Variants in C5 observed in about 807,000 individuals in gnomAD.
C5 encodes C3 and PZP-like alpha-2-macroglobulin domain-containing protein 4.
In C5, 140 loss-of-function variants were observed where a neutral mutation model predicts 218.8. The ratio of observed to expected loss-of-function variants is 0.64; its 90% CI spans 0.56 to 0.74. The LOEUF (loss-of-function observed/expected upper bound fraction) is 0.74. Ranked by LOEUF, C5 falls within the 30% of genes least tolerant of loss-of-function variation. C5 has a pLI of 0.00. For synonymous variants in C5, 614 were observed against 682.3 expected (o/e 0.90, Z 1.56); for missense variants, 1,700 against 1,969.6 (o/e 0.86, Z 2.59).
At chr9:121,016,849 C>T (rs570658902) in intron 14 of C5, among the ~76,000 whole-genome samples, 61 of 152,194 alleles carry the variant, frequency 4.0e-4, no homozygotes, top group Non-Finnish European at 5.4e-4. Flanking sequence ...ATTCGTTCTC[C>T]GAGTATTTTT....
the C5 span, among the ~76,000 whole-genome samples, chr9:121,055,307 G>T: frequency 6.6e-6 from 1 of 152,012 alleles, no homozygotes; most frequent in African/African-American, 2.4e-5. Context: ...ATATTTCACA[G>T]ATTTTTTTTC....
intron 22 of C5, 135 bp from the exon 23 acceptor site, chr9:120,991,415 A>C: frequency 9.4e-6 from 6 of 640,048 alleles, no homozygotes; most frequent in Non-Finnish European, 1.4e-5. Flanking sequence ...TTTTAAAAGA[A>C]AGTTAAAAAT....
intron 5 of C5, among the ~76,000 whole-genome samples, chr9:121,034,106 G>A (rs2047502120): frequency 6.6e-6 from 1 of 152,094 alleles, no homozygotes; most frequent in South Asian, 2.1e-4. Flanking sequence ...TTTTGATAGA[G>A]ACGGGGTTTC....
rs1160318487 is a variant in C5 at position 121,016,256 on chromosome 9, T to A, written c.1994A>T (p.Asn665Ile). The change falls in exon 15 of 41, where the codon AAT becomes ATT. Residue 665 changes from asparagine (N) to isoleucine (I), a missense_variant and splice_region_variant. Physicochemically the swap from Asn to Ile is moderately radical, Grantham distance 149. Transcript: ENST00000223642. ...TNANADDSQE[N>I]DEPCKEILRP... ...AATAAACATGCTGAGCATTTTACCATTTTCTTGGGAGTCATCTGCATTTGC... is the reference window on the plus strand; with the variant it reads ...AATAAACATGCTGAGCATTTTACCAATTTCTTGGGAGTCATCTGCATTTGC... 6.2e-7 allele frequency: 1 copy of A among 1,613,944 alleles called. No individual in the cohort carries two copies. Among genetic ancestry groups the A allele is most frequent in the Admixed American group, 1.7e-5 (1 of 60,022 alleles).
intron 20 of C5, among the ~76,000 whole-genome samples, chr9:121,002,254 G>T (rs28704149): frequency 3.0e-5 from 2 of 65,976 alleles, no homozygotes; most frequent in Non-Finnish European, 8.2e-5. Flanking sequence ...GTATATATAT[G>T]TATATATGTA....
At chr9:121,035,354 A>T (rs1439800328) in intron 4 of C5, among the ~76,000 whole-genome samples, 1 of 152,242 alleles carries the variant, frequency 6.6e-6, no homozygotes, top group African/African-American at 2.4e-5. Context: ...TGTTTTATAA[A>T]TGTATAGTAT....
chr9:121,016,139 T>C (rs1203232573), intron 15 of C5, 115 bp downstream of exon 15: 5 of 1,313,366 alleles, frequency 3.8e-6, no homozygotes, highest in Non-Finnish European at 5.5e-6. Flanking sequence ...GTGAGTTATG[T>C]AGTCTTGGCA....
intron 7 of C5, among the ~76,000 whole-genome samples, chr9:121,027,798 A>G (rs1327889617): frequency 2.0e-5 from 3 of 152,180 alleles, no homozygotes; most frequent in African/African-American, 7.2e-5. Context: ...GGATTTCATG[A>G]CTAAAACACC....
intron 31 of C5, 31 bp from the exon 32 acceptor site, chr9:120,970,282 C>G: frequency 6.8e-7 from 1 of 1,462,056 alleles, no homozygotes; most frequent in Non-Finnish European, 9.6e-7. Context: ...CAAGAAGATT[C>G]TATTTAAAGT....
chr9:121,034,489 C>T (rs1223698901), intron 5 of C5, among the ~76,000 whole-genome samples: 2 of 152,154 alleles, frequency 1.3e-5, no homozygotes, highest in Non-Finnish European at 2.9e-5. Context: ...GGAACAAGAC[C>T]ACACCAGCCT....
At chr9:121,036,401 AG>A (rs1224494734) in intron 4 of C5, among the ~76,000 whole-genome samples, 1 of 152,116 alleles carries the variant, frequency 6.6e-6, no homozygotes, top group Non-Finnish European at 1.5e-5. Flanking sequence ...ATTTTTCTGC[AG>A]GTTATGCCAT....
chr9:120,963,497 C>G, intron 34 of C5, 139 bp downstream of exon 34: 1 of 689,840 alleles, frequency 1.4e-6, no homozygotes, highest in Non-Finnish European at 2.5e-6. Context: ...GAGTGAAAAT[C>G]CACCTCCAAA....
At chr9:121,047,599 T>C (rs2047638870) in intron 1 of C5, among the ~76,000 whole-genome samples, 2 of 152,200 alleles carry the variant, frequency 1.3e-5, no homozygotes, top group South Asian at 4.1e-4. Context: ...CCTGGCAGAA[T>C]TATTCCAGGC....
In C5 at chr9:121,024,900, T is replaced by C. The variant is rs576607531; in HGVS notation, c.1000+554A>G. Among the ~76,000 whole-genome samples the C allele has an allele frequency of 1.5e-4, 23 of 152,266 alleles. No homozygotes were observed. The East Asian group carries it at 3.3e-3, about 22-fold the overall frequency. On this transcript the variant is annotated intron_variant, in intron 9 of 40. Coordinates refer to ENST00000223642, the MANE Select transcript of C5 (RefSeq NM_001735.3). Reference sequence around the variant, plus strand: ...TGTCTGTTTGGCAATACTTTAAATATCTCATAGATACTGCTTAAACTGAAC... The same window carrying C: ...TGTCTGTTTGGCAATACTTTAAATACCTCATAGATACTGCTTAAACTGAAC...
chr9:120,977,858 A>G (rs2046964765), intron 28 of C5, among the ~76,000 whole-genome samples: 1 of 152,226 alleles, frequency 6.6e-6, no homozygotes, highest in African/African-American at 2.4e-5. Context: ...CACTTTGGGC[A>G]AATTCCTTTA....
chr9:120,963,033 G>T, intron 34 of C5, 66 bp from the exon 35 acceptor site: 2 of 1,177,806 alleles, frequency 1.7e-6, no homozygotes, highest in Non-Finnish European at 2.6e-6. Flanking sequence ...GCATTCACCT[G>T]TTGATGAGAT....
chr9:121,013,575 G>T (rs1021263561), intron 17 of C5, among the ~76,000 whole-genome samples: 2 of 152,152 alleles, frequency 1.3e-5, no homozygotes, highest in African/African-American at 2.4e-5. Flanking sequence ...ATATTGGAGA[G>T]GATCTGGTCG....
chr9:121,054,129 AC>A (rs2047686590), upstream of C5, among the ~76,000 whole-genome samples: 1 of 152,008 alleles, frequency 6.6e-6, no homozygotes, highest in Non-Finnish European at 1.5e-5. Context: ...GCCTTGTTAT[AC>A]CCCCTCCCTT....
chr9:120,987,697 G>A (rs1250980266), intron 25 of C5, among the ~76,000 whole-genome samples: 1 of 151,870 alleles, frequency 6.6e-6, no homozygotes, highest in Non-Finnish European at 1.5e-5. Flanking sequence ...ATTCTAGGTT[G>A]TAAACTCCTT....
Sources: gnomAD v4.1 joint callset for allele counts (sites outside exome capture counted in the v4.1 genomes callset) on GRCh38, gnomAD v4.1.1 for gene constraint, MANE v1.5 for transcripts, NCBI Gene and HGNC (gene_info 2026-07-23, HGNC 2026-07-21) for gene names.